MINPP1: variants seen among roughly 807,000 people sequenced by gnomAD.
MINPP1 encodes multiple inositol-polyphosphate phosphatase 1.
A neutral mutation model predicts 46.1 loss-of-function variants in MINPP1; 28 were observed. The observed-to-expected ratio is 0.61, with a 90% CI of 0.45 to 0.83. The LOEUF is 0.83. Ranked by LOEUF, MINPP1 falls within the 40% of genes least tolerant of loss-of-function variation. The pLI is 0.00. For missense variants in MINPP1, 603 were observed against 610.0 expected, an observed-to-expected ratio of 0.99 and a Z score of 0.12; for synonymous variants, 268 against 249.1, an observed-to-expected ratio of 1.08 and a Z score of -0.72.
chr10:87,529,272 GC>G (rs1851622835), intron 4 of MINPP1, among the ~76,000 whole-genome samples: 1 of 152,054 alleles, frequency 6.6e-6, no homozygotes, highest in South Asian at 2.1e-4. Flanking sequence ...CTGGTTTTTT[GC>G]TAATTAGTTG....
intron 4 of MINPP1, among the ~76,000 whole-genome samples, chr10:87,530,861 C>G (rs1002807008): frequency 6.6e-6 from 1 of 152,182 alleles, no homozygotes; most frequent in Non-Finnish European, 1.5e-5. Flanking sequence ...ACAGTTCAAG[C>G]TTCCTGGCGG....
In MINPP1 at chr10:87,505,203, C is replaced by A; in HGVS notation, c.288C>A (p.Val96=). The A allele has an allele frequency of 6.2e-7, 1 of 1,610,622 alleles. No individual in the cohort carries two copies. The highest frequency in any genetic ancestry group is 1.1e-5 in the South Asian group (1 of 90,622). ...GCCACGGCACCCGCTACCCCACGGTCAAACAGATCCGCAAGCTGAGGCAGC... is the reference window on the plus strand; with the variant it reads ...GCCACGGCACCCGCTACCCCACGGTAAAACAGATCCGCAAGCTGAGGCAGC... ...LIRHGTRYPT[V]KQIRKLRQLH... is the part of the protein sequence containing the mutation. Residue 96 remains valine, a synonymous_variant, in exon 1 of 5, where the codon GTC becomes GTA. Transcript: ENST00000371996. The surrounding 1 kb of genome is among the most constrained non-coding windows in gnomAD (Gnocchi z 4.4).
At chr10:87,533,289 A>G (rs1284723487) in intron 4 of MINPP1, among the ~76,000 whole-genome samples, 1 of 152,038 alleles carries the variant, frequency 6.6e-6, no homozygotes, top group Non-Finnish European at 1.5e-5. Context: ...AAATTGTTAA[A>G]TTTTCAGTTA....
In MINPP1 at chr10:87,505,060, A is replaced by G; in HGVS notation, c.145A>G (p.Thr49Ala). ...CTCGTCGCTCAGCCCCTATTTCGGC[A>G]CCAAGACTCGCTACGAGGATGTCAA... ...VASSLSPYFG[T>A]KTRYEDVNPV... Residue 49 changes from threonine to alanine, a missense_variant, in exon 1 of 5, where the codon ACC (threonine) becomes GCC (alanine). Physicochemically the swap from Thr to Ala is moderately conservative, Grantham distance 58 (BLOSUM62 0). This residue lies in a region of MINPP1 where 239 missense variants were observed against 189.4 expected (regional missense o/e 1.26). Transcript: ENST00000371996. This position sits in a 1 kb window ranked among gnomAD's most constrained non-coding sequence, Gnocchi z 4.4. 1.2e-6 allele frequency: 2 copies of G among 1,613,480 alleles called. No individual in the cohort carries two copies. The highest frequency in any genetic ancestry group is 1.7e-6 in the Non-Finnish European group (2 of 1,179,910).
At chr10:87,514,592 C>T (rs988297957) in intron 3 of MINPP1, among the ~76,000 whole-genome samples, 2 of 152,048 alleles carry the variant, frequency 1.3e-5, no homozygotes, top group African/African-American at 4.8e-5. Context: ...TTGGATGTGT[C>T]TGATATTTTT....
intron 4 of MINPP1, among the ~76,000 whole-genome samples, chr10:87,529,232 G>A (rs1378856659): frequency 1.3e-5 from 2 of 152,184 alleles, no homozygotes; most frequent in African/African-American, 2.4e-5. Flanking sequence ...ATTGTTATGT[G>A]TGAATTTGAT....
At chr10:87,540,723 G>A (rs970715957) in intron 4 of MINPP1, among the ~76,000 whole-genome samples, 8 of 152,054 alleles carry the variant, frequency 5.3e-5, no homozygotes, top group African/African-American at 1.9e-4. Context: ...ATAGTGATTG[G>A]GCATATACTA....
In MINPP1 at chr10:87,515,744, T is replaced by C. The variant is rs755989790; in HGVS notation, c.933+2523T>C. On this transcript the variant is annotated intron_variant, in intron 3 of 4. Transcript: ENST00000371996. ...GGGATTGGTTGAATGTTGATTATTG[T>C]TGAAGTTGGATGAGTACACAGAGGT... 1.1e-3 allele frequency among the ~76,000 whole-genome samples: 164 copies of C among 152,252 alleles called. 1 individual carries two copies. The highest frequency in any genetic ancestry group is 2.1e-3 in the South Asian group (10 of 4,818).
At chr10:87,547,172 C>CG (rs1564683944) in intron 4 of MINPP1, among the ~76,000 whole-genome samples, 1 of 152,022 alleles carries the variant, frequency 6.6e-6, no homozygotes. Flanking sequence ...AGTGCAGTGA[C>CG]GTGATCTTGG....
chr10:87,525,101 A>G (rs1394845934), intron 4 of MINPP1, among the ~76,000 whole-genome samples: 2 of 152,212 alleles, frequency 1.3e-5, no homozygotes, highest in Non-Finnish European at 2.9e-5. Flanking sequence ...AGTATCTACA[A>G]AGCACAATAA....
At chr10:87,535,962 T>C (rs1454180355) in intron 4 of MINPP1, among the ~76,000 whole-genome samples, 1 of 152,114 alleles carries the variant, frequency 6.6e-6, no homozygotes, top group African/African-American at 2.4e-5. Context: ...AGATTGTTCC[T>C]ATTTCTGCTT....
intron 3 of MINPP1, among the ~76,000 whole-genome samples, chr10:87,517,458 A>G (rs1325162084): frequency 6.6e-6 from 1 of 152,182 alleles, no homozygotes; most frequent in African/African-American, 2.4e-5. Context: ...GGCAGGTTAT[A>G]CAGTTGTTTA....
At chr10:87,535,806 G>A (rs928220555) in intron 4 of MINPP1, among the ~76,000 whole-genome samples, 1 of 152,068 alleles carries the variant, frequency 6.6e-6, no homozygotes, top group African/African-American at 2.4e-5. Flanking sequence ...GCATGTGCCT[G>A]TAGTCCCAGC....
At chr10:87,532,993 T>C (rs1450796512) in intron 4 of MINPP1, among the ~76,000 whole-genome samples, 1 of 152,072 alleles carries the variant, frequency 6.6e-6, no homozygotes, top group Non-Finnish European at 1.5e-5. Flanking sequence ...TTTTTTTTTT[T>C]TGTACATGAC....
chr10:87,540,521 ACACACTTT>A (rs1290787399), intron 4 of MINPP1, among the ~76,000 whole-genome samples: 2 of 151,354 alleles, frequency 1.3e-5, no homozygotes, highest in Non-Finnish European at 3.0e-5. Context: ...ACACACACAC[ACACACTTT>A]CTTACTCCCT....
chr10:87,519,337 C>T (rs1327276986), intron 3 of MINPP1, among the ~76,000 whole-genome samples: 1 of 152,194 alleles, frequency 6.6e-6, no homozygotes, highest in African/African-American at 2.4e-5. Context: ...TCCTTTCAAT[C>T]CTGTCAGGTT....
chr10:87,551,701 A>G (rs999306754), intron 4 of MINPP1, among the ~76,000 whole-genome samples: 1 of 152,160 alleles, frequency 6.6e-6, no homozygotes, highest in African/African-American at 2.4e-5. Context: ...AGCTCCATGG[A>G]GTAATATTTA....
chr10:87,548,908 A>T (rs1373530733), intron 4 of MINPP1, among the ~76,000 whole-genome samples: 1 of 152,224 alleles, frequency 6.6e-6, no homozygotes, highest in Non-Finnish European at 1.5e-5. Context: ...ATAAAAAGTT[A>T]GCACTTTTCC....
chr10:87,508,995 A>G (rs141907075), intron 2 of MINPP1, among the ~76,000 whole-genome samples: 71 of 152,310 alleles, frequency 4.7e-4, no homozygotes, highest in African/African-American at 1.7e-3. Context: ...ATATGTAGCA[A>G]TGCTGAGAAG....
Sources: allele counts gnomAD v4.1 joint callset (sites outside exome capture counted in the v4.1 genomes callset), GRCh38; gene constraint gnomAD v4.1.1; regional missense constraint gnomAD v4.1.1; non-coding constraint Gnocchi (gnomAD v3.1); transcripts MANE v1.5; gene names NCBI Gene and HGNC (gene_info 2026-07-23, HGNC 2026-07-21).